The following HIRA variants were observed in gnomAD, a reference collection of about 807,000 sequenced individuals.
The protein encoded by HIRA is protein HIRA.
In HIRA, 13 loss-of-function variants were observed where a neutral mutation model predicts 126.6. That is an observed-to-expected ratio of 0.10 (90% confidence interval 0.07 to 0.16). The LOEUF (loss-of-function observed/expected upper bound fraction) is 0.16. Ranked by LOEUF, HIRA falls within the 10% of genes least tolerant of loss-of-function variation. HIRA has a pLI of 1.00. For synonymous variants in HIRA, 511 were observed against 520.0 expected, an observed-to-expected ratio of 0.98 and a Z score of 0.24; for missense variants, 834 against 1,314.4, an observed-to-expected ratio of 0.63 and a Z score of 5.65.
chr22:19,422,199 CATATAT>C (rs1169116486), intron 1 of HIRA, among the ~76,000 whole-genome samples: 10,932 of 139,380 alleles, frequency 0.078, 1,372 homozygotes, highest in African/African-American at 0.27. Flanking sequence ...CACACATACA[CATATAT>C]ATATATACAT....
intron 15 of HIRA, among the ~76,000 whole-genome samples, chr22:19,363,559 G>A (rs561648990): frequency 9.2e-5 from 14 of 152,306 alleles, no homozygotes; most frequent in African/African-American, 3.1e-4. Flanking sequence ...TCCAGGGGTT[G>A]GGGAAAGGAA....
intron 14 of HIRA, among the ~76,000 whole-genome samples, chr22:19,376,368 C>A (rs1010687874): frequency 1.3e-5 from 2 of 152,188 alleles, no homozygotes; most frequent in Non-Finnish European, 2.9e-5. Flanking sequence ...CAGGCAGAAG[C>A]CTGCCTGGTC....
intron 24 of HIRA, among the ~76,000 whole-genome samples, chr22:19,333,700 A>T (rs1569284847): frequency 6.6e-6 from 1 of 152,172 alleles, no homozygotes; most frequent in Non-Finnish European, 1.5e-5. Flanking sequence ...TTACACTTCT[A>T]GAACTCCCAT....
intron 22 of HIRA, 132 bp from the exon 23 acceptor site, chr22:19,353,651 G>C: frequency 2.2e-6 from 2 of 907,856 alleles, no homozygotes; most frequent in Non-Finnish European, 1.6e-6. Context: ...CCGTCCACTA[G>C]CCAGTCTGTT....
chr22:19,416,774 G>T lies in HIRA; in HGVS notation c.38-5996C>A, dbSNP rs567612913. 2.6e-5 allele frequency among the ~76,000 whole-genome samples: 4 copies of T among 152,184 alleles called. No homozygotes were observed. In the East Asian group the frequency reaches 5.8e-4, roughly 22 times the overall value. On this transcript the variant is annotated intron_variant, in intron 1 of 24. Transcript: ENST00000263208. ...CAACAGAATAAAAAGGCAACCCATA[G>T]AATGGGAGAAATATCTGCAAATTAC...
At chr22:19,355,532 CAGG>C (rs1271301959) in intron 21 of HIRA, among the ~76,000 whole-genome samples, 18 of 152,182 alleles carry the variant, frequency 1.2e-4, no homozygotes, top group Admixed American at 3.3e-4. Flanking sequence ...GAAAATAATG[CAGG>C]AGGACAGTGC....
At position 19,330,852 on chromosome 22, in the gene HIRA, G is replaced by C. The variant is rs1556004295; in HGVS notation, c.*588C>G. ...TTAATTTCAGTACAATTATTTTTCAGTGTAGCTGTCATAATTAGAGTTTAA... is the reference window on the plus strand; with the variant it reads ...TTAATTTCAGTACAATTATTTTTCACTGTAGCTGTCATAATTAGAGTTTAA... On this transcript the variant is annotated 3_prime_UTR_variant, in exon 25 of 25. Coordinates refer to ENST00000263208, the MANE Select transcript of HIRA (RefSeq NM_003325.4). 1 of 169,104 alleles carries C rather than the reference G, an allele frequency of 5.9e-6. No individual in the cohort carries two copies. Among genetic ancestry groups the C allele is most frequent in the East Asian group, 1.7e-4 (1 of 6,026 alleles). 10.5% of individuals were successfully genotyped at this position (169,104 alleles called of 1,614,324 possible). A position where few individuals can be genotyped will look rare whatever the true frequency, so the allele number is the denominator to read the frequency against.
chr22:19,334,285 TCATA>T (rs1385642560), intron 24 of HIRA, among the ~76,000 whole-genome samples: 4 of 151,224 alleles, frequency 2.6e-5, no homozygotes, highest in Admixed American at 1.3e-4. Context: ...CTCATTTTCT[TCATA>T]TATAGTTTTC....
rs148449868 is a variant in HIRA at position 19,354,770 on chromosome 22, A to ATT, written c.2562-654_2562-653dup. On this transcript the variant is annotated intron_variant, in intron 21 of 24. Coordinates refer to ENST00000263208, the MANE Select transcript of HIRA (RefSeq NM_003325.4). ...CAATTTGGGGGAGCAGGCAGTGGAG[A>ATT]TTTTTTTTTTCCTTTGAGACAGGGT... 4.7e-5 allele frequency among the ~76,000 whole-genome samples: 7 copies of ATT among 150,434 alleles called. No individual in the cohort carries two copies. The South Asian group carries it at 1.3e-3, about 27-fold the overall frequency.
At chr22:19,388,032 C>T (rs1303708958) in intron 10 of HIRA, among the ~76,000 whole-genome samples, 1 of 152,040 alleles carries the variant, frequency 6.6e-6, no homozygotes, top group South Asian at 2.1e-4. Context: ...TAGCTCTAAG[C>T]AGGTGTACAA....
intron 11 of HIRA, among the ~76,000 whole-genome samples, chr22:19,387,090 C>G (rs1321359787): frequency 1.3e-5 from 2 of 152,168 alleles, no homozygotes; most frequent in African/African-American, 4.8e-5. Context: ...TTTCTCAAAG[C>G]CTGGCAGAAG....
At chr22:19,390,887 G>A (rs554603951) in intron 9 of HIRA, among the ~76,000 whole-genome samples, 4 of 151,974 alleles carry the variant, frequency 2.6e-5, no homozygotes, top group African/African-American at 9.6e-5. Context: ...GTAAACACCT[G>A]TCAGCAACAC....
chr22:19,401,163 T>G (rs1363567685), intron 5 of HIRA, among the ~76,000 whole-genome samples: 4 of 152,116 alleles, frequency 2.6e-5, no homozygotes, highest in African/African-American at 9.7e-5. Flanking sequence ...CACATGAATA[T>G]TGCACTTGCC....
intron 16 of HIRA, 45 bp downstream of exon 16, chr22:19,361,682 C>T (rs1277915822): frequency 1.3e-6 from 2 of 1,587,086 alleles, no homozygotes; most frequent in Non-Finnish European, 1.7e-6. Flanking sequence ...GCTCTAAGTA[C>T]AGAAAGGTGG....
intron 13 of HIRA, among the ~76,000 whole-genome samples, chr22:19,381,384 T>C (rs1253620900): frequency 6.6e-5 from 10 of 152,262 alleles, no homozygotes; most frequent in Non-Finnish European, 1.5e-4. Flanking sequence ...TGTTAAATTA[T>C]AGTTGCAAGA....
At chr22:19,357,873 T>G (rs1274209104) in intron 18 of HIRA, among the ~76,000 whole-genome samples, 1 of 152,226 alleles carries the variant, frequency 6.6e-6, no homozygotes, top group East Asian at 1.9e-4. Flanking sequence ...GAGCCACTAT[T>G]GCTACTGGCT....
chr22:19,377,031 T>A (rs552508458), intron 14 of HIRA, among the ~76,000 whole-genome samples: 24 of 152,340 alleles, frequency 1.6e-4, no homozygotes, highest in Non-Finnish European at 3.2e-4. Flanking sequence ...TTCTCCCTCT[T>A]CTTGGCCTTC....
intron 15 of HIRA, among the ~76,000 whole-genome samples, chr22:19,368,715 G>C (rs2088937262): frequency 6.6e-6 from 1 of 152,202 alleles, no homozygotes; most frequent in Non-Finnish European, 1.5e-5. Context: ...AGACTTTTAT[G>C]TAACTATCGT....
intron 1 of HIRA, among the ~76,000 whole-genome samples, chr22:19,420,305 A>G (rs113980324): frequency 1.3e-4 from 19 of 151,980 alleles, no homozygotes; most frequent in African/African-American, 4.6e-4. Context: ...AATTAAAAAC[A>G]AAAAACAAAA....
Sources: gnomAD v4.1 joint callset for allele counts (sites outside exome capture counted in the v4.1 genomes callset) on GRCh38, gnomAD v4.1.1 for gene constraint, MANE v1.5 for transcripts, NCBI Gene and HGNC (gene_info 2026-07-23, HGNC 2026-07-21) for gene names.